The following CRYBA4 variants were observed in gnomAD, a reference collection of about 807,000 sequenced individuals.
CRYBA4 encodes the protein beta-crystallin A4.
A neutral mutation model predicts 31.7 loss-of-function variants in CRYBA4; 30 were observed. The observed-to-expected ratio is 0.95, with a 90% CI of 0.71 to 1.28. The LOEUF is 1.28. Ranked by LOEUF, CRYBA4 falls within the 50% of genes most tolerant of loss-of-function variation. CRYBA4 has a pLI of 0.00. For missense variants in CRYBA4, 225 were observed against 260.7 expected, an observed-to-expected ratio of 0.86 and a Z score of 0.94; for synonymous variants, 102 against 102.3, an observed-to-expected ratio of 1.00 and a Z score of 0.02.
At chr22:26,599,172 G>A in the CRYBA4 span, 2 of 385,952 alleles carry the variant, frequency 5.2e-6, no homozygotes, top group East Asian at 5.5e-5. Context: ...TCTCACAGGT[G>A]TATCTGGGTT....
At chr22:26,603,863 G>A in the CRYBA4 span, among the ~76,000 whole-genome samples, 1 of 152,128 alleles carries the variant, frequency 6.6e-6, no homozygotes, top group Non-Finnish European at 1.5e-5. Context: ...GGCAGAGGTT[G>A]CAGTGAGCCA....
At chr22:26,608,146 G>A in the CRYBA4 span, 1,408 of 1,376,474 alleles carry the variant, frequency 1.0e-3, 33 homozygotes, top group Admixed American at 0.024. Flanking sequence ...GTCCAAAGGG[G>A]GCTGAACATG....
intron 4 of CRYBA4, among the ~76,000 whole-genome samples, chr22:26,627,384 C>CTT (rs1242167951): frequency 4.6e-5 from 3 of 65,678 alleles, no homozygotes; most frequent in African/African-American, 3.2e-4. Context: ...TTCTTTCTTT[C>CTT]TTTCTTTCTT....
At chr22:26,600,640 T>C in the CRYBA4 span, among the ~76,000 whole-genome samples, 224 of 152,350 alleles carry the variant, frequency 1.5e-3, no homozygotes, top group Non-Finnish European at 2.8e-3. Context: ...TCATTTAAAG[T>C]GGTTAGCACA....
At chr22:26,623,604 T>A (rs1001784766) in intron 3 of CRYBA4, among the ~76,000 whole-genome samples, 2 of 152,050 alleles carry the variant, frequency 1.3e-5, no homozygotes, top group African/African-American at 4.8e-5. Flanking sequence ...ATCCTTAGAA[T>A]CCAGTGTTGG....
upstream of CRYBA4, among the ~76,000 whole-genome samples, chr22:26,618,720 C>A (rs1929443295): frequency 6.6e-6 from 1 of 152,240 alleles, no homozygotes; most frequent in Admixed American, 6.5e-5. Flanking sequence ...TCTTCTCCTG[C>A]TGTCCAGCCT....
chr22:26,608,782 C>T, the CRYBA4 span, among the ~76,000 whole-genome samples: 28 of 151,712 alleles, frequency 1.8e-4, 1 homozygote, highest in South Asian at 1.0e-3. Context: ...GCCTGGTATT[C>T]GGGAGATACT....
chr22:26,625,214 C>T (rs766162983), intron 3 of CRYBA4, among the ~76,000 whole-genome samples: 12 of 152,184 alleles, frequency 7.9e-5, no homozygotes, highest in African/African-American at 1.7e-4. Context: ...ACTGATGTTT[C>T]GGGCTGGATC....
the CRYBA4 span, among the ~76,000 whole-genome samples, chr22:26,597,285 A>G: frequency 6.6e-6 from 1 of 152,266 alleles, no homozygotes; most frequent in Non-Finnish European, 1.5e-5. Flanking sequence ...ACCGGGGCCC[A>G]CCACAACTCT....
the CRYBA4 span, among the ~76,000 whole-genome samples, chr22:26,602,997 A>C: frequency 0.18 from 26,808 of 151,018 alleles, 3,109 homozygotes; most frequent in East Asian, 0.38. Flanking sequence ...TGGTGGTGGG[A>C]GCCTGTAGTC....
the CRYBA4 span, among the ~76,000 whole-genome samples, chr22:26,597,254 G>A: frequency 6.6e-6 from 1 of 152,066 alleles, no homozygotes; most frequent in South Asian, 2.1e-4. Context: ...CCAAGCTAAT[G>A]TTCCCACCTC....
chr22:26,605,499 C>T, the CRYBA4 span, among the ~76,000 whole-genome samples: 1 of 151,884 alleles, frequency 6.6e-6, no homozygotes, highest in Non-Finnish European at 1.5e-5. Context: ...CATGATGAAA[C>T]CCTGTCTCTA....
At chr22:26,618,288 A>G (rs1262488184), upstream of CRYBA4, among the ~76,000 whole-genome samples, 2 of 152,124 alleles carry the variant, frequency 1.3e-5, no homozygotes, top group Non-Finnish European at 2.9e-5. Flanking sequence ...ATGGGCCCCC[A>G]AAAGGGTCCC....
the CRYBA4 span, among the ~76,000 whole-genome samples, chr22:26,592,445 G>T: frequency 1.3e-5 from 2 of 152,236 alleles, no homozygotes; most frequent in Non-Finnish European, 1.5e-5. Flanking sequence ...TCCAGGGAGG[G>T]AGGGCCAGGC....
At chr22:26,591,122 A>G in the CRYBA4 span, among the ~76,000 whole-genome samples, 227 of 152,334 alleles carry the variant, frequency 1.5e-3, 1 homozygote, top group Admixed American at 3.6e-3. Context: ...CTGTGATTCT[A>G]GCACTTTGGG....
chr22:26,610,422 C>A, the CRYBA4 span, among the ~76,000 whole-genome samples: 1 of 152,058 alleles, frequency 6.6e-6, no homozygotes, highest in Non-Finnish European at 1.5e-5. Context: ...GCCCATCAGG[C>A]ACGGCTCCAA....
At chr22:26,625,009 C>T (rs188642868) in intron 3 of CRYBA4, among the ~76,000 whole-genome samples, 2 of 152,308 alleles carry the variant, frequency 1.3e-5, no homozygotes, top group African/African-American at 4.8e-5. Flanking sequence ...GCAAGACTGC[C>T]CGTCTCCCAC....
chr22:26,626,151 C>T lies in CRYBA4; in HGVS notation c.300+529C>T, dbSNP rs149730034. Among the ~76,000 whole-genome samples, 728 of 152,258 alleles carry T rather than the reference C, an allele frequency of 4.8e-3. 5 individuals are homozygous for T. Among genetic ancestry groups the T allele is most frequent in the African/African-American group, 0.017 (701 of 41,534 alleles). ...GCATGGTGGCTCACACCTGTAATCC[C>T]AGCACTTTGGGAGGCCAAGGCGGGT... On this transcript the variant is annotated intron_variant, in intron 4 of 5. Transcript: ENST00000354760.
intron 4 of CRYBA4, among the ~76,000 whole-genome samples, chr22:26,627,343 C>T (rs1243585632): frequency 3.3e-5 from 1 of 30,004 alleles, no homozygotes; most frequent in African/African-American, 2.8e-4. Flanking sequence ...TCCCCTCCCT[C>T]CCTCCCTCCC....
Sources: allele counts gnomAD v4.1 joint callset (sites outside exome capture counted in the v4.1 genomes callset), GRCh38; gene constraint gnomAD v4.1.1; transcripts MANE v1.5; gene names NCBI Gene and HGNC (gene_info 2026-07-23, HGNC 2026-07-21).